B3GALT2: variants seen among roughly 807,000 people sequenced by gnomAD.
B3GALT2 encodes the protein UDP-Gal:betaGlcNAc beta 1,3-galactosyltransferase, polypeptide 2.
In B3GALT2, 13 loss-of-function variants were observed where a neutral mutation model predicts 33.5. The ratio of observed to expected loss-of-function variants is 0.39; its 90% CI spans 0.25 to 0.62. B3GALT2 has a LOEUF of 0.62. B3GALT2 is among the 20% of genes least tolerant of loss of function. B3GALT2 has a pLI of 0.53. For missense variants in B3GALT2, 418 were observed against 509.1 expected (o/e 0.82, Z 1.72); for synonymous variants, 195 against 172.7 (o/e 1.13, Z -1.01).
chr1:193,182,455 A>G (rs896580520), intron 1 of B3GALT2, among the ~76,000 whole-genome samples: 1 of 152,176 alleles, frequency 6.6e-6, no homozygotes, highest in Non-Finnish European at 1.5e-5. Context: ...ACACTGTTAC[A>G]TATCTTGGTT....
intron 1 of B3GALT2, among the ~76,000 whole-genome samples, chr1:193,184,092 T>C (rs911891034): frequency 1.3e-5 from 2 of 151,902 alleles, no homozygotes; most frequent in South Asian, 4.1e-4. Context: ...GGTCCTAATA[T>C]GATTTTGTAA....
rs1357690846 is a variant in B3GALT2, at chr1:193,180,430, T to G, written c.1133A>C (p.His378Pro). The G allele has an allele frequency of 6.2e-7, 1 of 1,614,094 alleles. No individual in the cohort carries two copies. ...RVSYSSCKYS[H>P]LITSHQFQPS... ...CTGGAACTGATGAGAGGTAATTAGGTGGCTGTATTTACAGCTCGAATAAGA... is the reference window on the plus strand; with the variant it reads ...CTGGAACTGATGAGAGGTAATTAGGGGGCTGTATTTACAGCTCGAATAAGA... Residue 378 changes from histidine (H) to proline (P), a missense_variant, in exon 2 of 2, where the codon CAC becomes CCC. By Grantham distance (77) the His-to-Pro change is moderately conservative (BLOSUM62 -2). Coordinates refer to ENST00000367434, the MANE Select transcript of B3GALT2 (RefSeq NM_003783.3).
chr1:193,182,441 C>G (rs1017832631), intron 1 of B3GALT2, among the ~76,000 whole-genome samples: 9 of 152,046 alleles, frequency 5.9e-5, no homozygotes, highest in Non-Finnish European at 1.3e-4. Context: ...ATGGCTTTGG[C>G]AGAACACTGT....
chr1:193,179,048 A>G lies in B3GALT2; in HGVS notation c.*1246T>C, dbSNP rs972690998. On this transcript the variant is annotated 3_prime_UTR_variant, in exon 2 of 2. Coordinates refer to ENST00000367434, the MANE Select transcript of B3GALT2 (RefSeq NM_003783.3). ...TGAAAATACTTATAACACTCAGTAA[A>G]GTTTTTTGTTTTCCTTTATTTTTAA... 1 of 152,190 alleles carries G rather than the reference A, an allele frequency of 6.6e-6. No homozygotes were observed. Among genetic ancestry groups the G allele is most frequent in the Non-Finnish European group, 1.5e-5 (1 of 68,004 alleles). The allele number at this position is 152,190 out of a possible 1,614,324, so 9.4% of individuals were successfully genotyped here. A position where few individuals can be genotyped will look rare whatever the true frequency, so the allele number is the denominator to read the frequency against.
rs1676686354 is a variant in B3GALT2, at chr1:193,180,092, A to G, written c.*202T>C. On this transcript the variant is annotated 3_prime_UTR_variant, in exon 2 of 2. Transcript: ENST00000367434. Reference sequence around the variant, plus strand: ...AGAATCTCCTTATACAGTTTTTTAAATAGATTGTTTTGGGAAACCTTTTTT... The same window carrying G: ...AGAATCTCCTTATACAGTTTTTTAAGTAGATTGTTTTGGGAAACCTTTTTT... 1 of 436,388 alleles carries G rather than the reference A, an allele frequency of 2.3e-6. No individual in the cohort carries two copies. The highest frequency in any genetic ancestry group is 4.1e-5 in the Admixed American group (1 of 24,400). 27.0% of individuals were successfully genotyped at this position (436,388 alleles called of 1,614,324 possible). A position where few individuals can be genotyped will look rare whatever the true frequency, so the allele number is the denominator to read the frequency against.
rs761302481 is a variant in B3GALT2 at position 193,180,746 on chromosome 1, G to A, written c.817C>T (p.Pro273Ser). 6.2e-7 allele frequency: 1 copy of A among 1,614,052 alleles called. No individual in the cohort carries two copies. Among genetic ancestry groups the A allele is most frequent in the South Asian group, 1.1e-5 (1 of 91,080 alleles). The part of the protein sequence containing the change: ...INKLLKPDLP[P>S]RHNYFTGYLM... ...TAACCAGTGAAATAGTTATGTCTGG[G>A]AGGCAGATCTGGCTTCAGTAACTTA... Residue 273 changes from proline to serine, a missense_variant, in exon 2 of 2, where the codon CCC becomes TCC. Around this residue, in one of 3 missense-constraint regions of B3GALT2, gnomAD observed 226 missense variants for 293.9 expected, o/e 0.77. Transcript: ENST00000367434.
chr1:193,180,174 C>A lies in B3GALT2; in HGVS notation c.*120G>T. 1 of 839,308 alleles carries A rather than the reference C, an allele frequency of 1.2e-6. No individual in the cohort carries two copies. The highest frequency in any genetic ancestry group is 1.7e-6 in the Non-Finnish European group (1 of 591,400). 52.0% of individuals were successfully genotyped at this position (839,308 alleles called of 1,614,324 possible). ...TTCTTCAGAAATTAAAAAAATACTT[C>A]TTGAATTTCTTTATGTGATGAGTTT... is the stretch of plus-strand genomic sequence containing the variant. On this transcript the variant is annotated 3_prime_UTR_variant, in exon 2 of 2. Transcript: ENST00000367434.
intron 1 of B3GALT2, among the ~76,000 whole-genome samples, 190 bp from the exon 2 acceptor site, chr1:193,181,872 A>G (rs1404044300): frequency 6.6e-6 from 1 of 152,176 alleles, no homozygotes; most frequent in Non-Finnish European, 1.5e-5. Flanking sequence ...ATACCTTTGT[A>G]GCACAGTGAG....
At position 193,180,799 on chromosome 1, in the gene B3GALT2, A is replaced by T; in HGVS notation, c.764T>A (p.Met255Lys). 1 of 1,614,156 alleles carries T rather than the reference A, an allele frequency of 6.2e-7. No homozygotes were observed. The highest frequency in any genetic ancestry group is 8.5e-7 in the Non-Finnish European group (1 of 1,179,976). Reference protein sequence around the residue: ...IPYVMKTDSDMFVNTEYLINK... With the variant: ...IPYVMKTDSDKFVNTEYLINK... ...GATTAAATATTCAGTGTTGACAAAC[A>T]TGTCACTGTCAGTTTTCATAACATA... The change falls in exon 2 of 2, where the codon ATG becomes AAG. Residue 255 changes from methionine to lysine, a missense_variant. Physicochemically the swap from Met to Lys is moderately conservative, Grantham distance 95. Around this residue, in one of 3 missense-constraint regions of B3GALT2, gnomAD observed 226 missense variants for 293.9 expected, o/e 0.77. Transcript: ENST00000367434.
Position 193,180,347 on chromosome 1 carries a change from C to A in B3GALT2, c.1216G>T (p.Ala406Ser). The part of the protein sequence containing the change: ...HLQQNKHNAC[A>S]NAAKEKAGRY... ...CCTGCCTTTTCTTTTGCTGCGTTGGCACAGGCATTGTGCTTATTTTGTTGT... is the reference window on the plus strand; with the variant it reads ...CCTGCCTTTTCTTTTGCTGCGTTGGAACAGGCATTGTGCTTATTTTGTTGT... Residue 406 changes from alanine (A) to serine (S), a missense_variant, in exon 2 of 2, where the codon GCC becomes TCC. By Grantham distance (99) the Ala-to-Ser change is moderately conservative (BLOSUM62 1). Transcript: ENST00000367434. 1.2e-6 allele frequency: 2 copies of A among 1,605,466 alleles called. No individual in the cohort carries two copies. The highest frequency in any genetic ancestry group is 8.5e-7 in the Non-Finnish European group (1 of 1,174,694).
rs767933476 is a variant in B3GALT2 at position 193,180,752 on chromosome 1, G to C, written c.811C>G (p.Leu271Val). 6.2e-7 allele frequency: 1 copy of C among 1,614,074 alleles called. No homozygotes were observed. The highest frequency in any genetic ancestry group is 2.2e-5 in the East Asian group (1 of 44,886). The change falls in exon 2 of 2, where the codon CTG (leucine) becomes GTG (valine). Residue 271 changes from leucine to valine, a missense_variant. Leu to Val is a conservative substitution (Grantham distance 32). Around this residue, in one of 3 missense-constraint regions of B3GALT2, gnomAD observed 226 missense variants for 293.9 expected, o/e 0.77. Transcript: ENST00000367434. ...YLINKLLKPD[L>V]PPRHNYFTGY... ...GTGAAATAGTTATGTCTGGGAGGCA[G>C]ATCTGGCTTCAGTAACTTATTGATT...
At chr1:193,185,799 T>C (rs1434789110) in intron 1 of B3GALT2, among the ~76,000 whole-genome samples, 1 of 152,168 alleles carries the variant, frequency 6.6e-6, no homozygotes, top group Admixed American at 6.6e-5. Flanking sequence ...CCCTCTGATG[T>C]CTATTACCCA....
chr1:193,185,308 T>G (rs990273583), intron 1 of B3GALT2, among the ~76,000 whole-genome samples: 2 of 152,118 alleles, frequency 1.3e-5, no homozygotes, highest in Non-Finnish European at 2.9e-5. Flanking sequence ...ACTATTGATG[T>G]CCCTTTGTTT....
chr1:193,181,187 T>C lies in B3GALT2; in HGVS notation c.376A>G (p.Lys126Glu). The C allele has an allele frequency of 1.9e-6, 3 of 1,613,900 alleles. No individual in the cohort carries two copies. Among genetic ancestry groups the C allele is most frequent in the Non-Finnish European group, 2.5e-6 (3 of 1,179,938 alleles). Residue 126 changes from lysine to glutamate, a missense_variant, in exon 2 of 2, where the codon AAA becomes GAA. Physicochemically the swap from Lys to Glu is moderately conservative, Grantham distance 56 (BLOSUM62 1). Around this residue, in one of 3 missense-constraint regions of B3GALT2, gnomAD observed 188 missense variants for 197.5 expected, o/e 0.95. Coordinates refer to ENST00000367434, the MANE Select transcript of B3GALT2 (RefSeq NM_003783.3). ...TAAGAATTTGGATGTCCAGTACCTTTTTCATTGTAAATACTTCCATTGGCA... is the reference window on the plus strand; with the variant it reads ...TAAGAATTTGGATGTCCAGTACCTTCTTCATTGTAAATACTTCCATTGGCA... ...LSANGSIYNE[K>E]GTGHPNSYHF... is the part of the protein sequence containing the mutation.
rs1418122005 is a variant in B3GALT2, at chr1:193,186,573, G to A, written c.-675C>T. ...TTTTAGTCTATAATATGAAATCCAC[G>A]GTTCCTCAGCTGCTGCACAGGCAGG... is the stretch of plus-strand genomic sequence containing the variant. On this transcript the variant is annotated 5_prime_UTR_variant, in exon 1 of 2. Coordinates refer to ENST00000367434, the MANE Select transcript of B3GALT2 (RefSeq NM_003783.3). 3 of 152,280 alleles carry A rather than the reference G, an allele frequency of 2.0e-5. No individual in the cohort carries two copies. The highest frequency in any genetic ancestry group is 7.2e-5 in the African/African-American group (3 of 41,408). 9.4% of individuals were successfully genotyped at this position (152,280 alleles called of 1,614,324 possible).
At position 193,186,254 on chromosome 1, in the gene B3GALT2, C is replaced by G. The variant is rs1043369151; in HGVS notation, c.-356G>C. 1 of 152,532 alleles carries G rather than the reference C, an allele frequency of 6.6e-6. No individual in the cohort carries two copies. Among genetic ancestry groups the G allele is most frequent in the Admixed American group, 6.6e-5 (1 of 15,248 alleles). The allele number at this position is 152,532 out of a possible 1,614,324, so 9.4% of individuals were successfully genotyped here. A position where few individuals can be genotyped will look rare whatever the true frequency, so the allele number is the denominator to read the frequency against. ...AAATTTTCCCTTTCTTTCATTTTCT[C>G]TCTTTCGTTAAACAAAAGAGCTGTA... On this transcript the variant is annotated 5_prime_UTR_variant, in exon 1 of 2. Transcript: ENST00000367434.
intron 1 of B3GALT2, among the ~76,000 whole-genome samples, chr1:193,183,813 T>G (rs546142051): frequency 6.6e-6 from 1 of 152,070 alleles, no homozygotes; most frequent in Non-Finnish European, 1.5e-5. Flanking sequence ...TTTCTGCTGA[T>G]ATGATAATAC....
At position 193,180,611 on chromosome 1, in the gene B3GALT2, C is replaced by T; in HGVS notation, c.952G>A (p.Val318Ile). ...YPVFCSGTGYVFSGDLAEKIF... is the reference protein window; with the variant it reads ...YPVFCSGTGYIFSGDLAEKIF... ...TTTTCTGCCAGATCTCCAGAAAAAACATAACCAGTTCCAGAACAGAAGACA... is the reference window on the plus strand; with the variant it reads ...TTTTCTGCCAGATCTCCAGAAAAAATATAACCAGTTCCAGAACAGAAGACA... Residue 318 changes from valine to isoleucine, a missense_variant, in exon 2 of 2, where the codon GTT becomes ATT. By Grantham distance (29) the Val-to-Ile change is conservative (BLOSUM62 3). Transcript: ENST00000367434. 6.2e-7 allele frequency: 1 copy of T among 1,614,094 alleles called. No homozygotes were observed. Among genetic ancestry groups the T allele is most frequent in the Non-Finnish European group, 8.5e-7 (1 of 1,179,956 alleles).
Position 193,183,943 on chromosome 1 carries a change from T to G in B3GALT2, c.-121+2076A>C, listed in dbSNP as rs1299125617. ...TGGATGTTTGAGTTAAAGGACTGAG[T>G]AAATAAATGATGGAAAATAATCATA... On this transcript the variant is annotated intron_variant, in intron 1 of 1. Transcript: ENST00000367434. Among the ~76,000 whole-genome samples the G allele has an allele frequency of 1.3e-5, 2 of 151,872 alleles. 1 individual carries two copies. The highest frequency in any genetic ancestry group is 2.9e-5 in the Non-Finnish European group (2 of 67,798).
Sources: gnomAD v4.1 joint callset for allele counts (sites outside exome capture counted in the v4.1 genomes callset) on GRCh38, gnomAD v4.1.1 for gene constraint, gnomAD v4.1.1 regional missense constraint, MANE v1.5 for transcripts, NCBI Gene and HGNC (gene_info 2026-07-23, HGNC 2026-07-21) for gene names.